The following TACR3 variants were observed in gnomAD, a reference collection of about 807,000 sequenced individuals.
TACR3 encodes neuromedin-K receptor.
A neutral mutation model predicts 35.0 loss-of-function variants in TACR3; 34 were observed. That is an observed-to-expected ratio of 0.97 (90% CI 0.74 to 1.30). The LOEUF (loss-of-function observed/expected upper bound fraction) is 1.30, where lower values mean the gene tolerates loss of function less well. Ranked by LOEUF, TACR3 falls within the 50% of genes most tolerant of loss-of-function variation. The pLI is 0.00. For synonymous variants in TACR3, 233 were observed against 221.1 expected, an observed-to-expected ratio of 1.05 and a Z score of -0.48; for missense variants, 558 against 591.7, an observed-to-expected ratio of 0.94 and a Z score of 0.59.
intron 1 of TACR3, among the ~76,000 whole-genome samples, chr4:103,709,994 C>A (rs1286736358): frequency 1.3e-5 from 2 of 152,118 alleles, no homozygotes; most frequent in Non-Finnish European, 2.9e-5. Context: ...CACAGGAGCA[C>A]CCAGATTCAT....
intron 3 of TACR3, among the ~76,000 whole-genome samples, chr4:103,651,033 A>AAT (rs1319239585): frequency 8.1e-6 from 1 of 123,444 alleles, no homozygotes. Flanking sequence ...TATATATAAT[A>AAT]ATATATATAT....
chr4:103,685,297 T>A (rs534339383), intron 1 of TACR3, among the ~76,000 whole-genome samples: 4 of 152,090 alleles, frequency 2.6e-5, no homozygotes, highest in African/African-American at 9.7e-5. Context: ...TTTAAAACAA[T>A]TGGATATTTG....
chr4:103,624,659 T>C (rs1399688192), intron 3 of TACR3: 1 of 151,988 alleles, frequency 6.6e-6, no homozygotes, highest in African/African-American at 2.4e-5. Context: ...TAGAAAGAAA[T>C]CTGAAGAGAT....
intron 1 of TACR3, among the ~76,000 whole-genome samples, chr4:103,678,784 A>C (rs962076278): frequency 2.2e-5 from 3 of 133,776 alleles, no homozygotes; most frequent in Non-Finnish European, 3.0e-5. Context: ...AGAAAATAAA[A>C]GGTAGTTGCT....
At chr4:103,649,288 T>C (rs1725530246) in intron 3 of TACR3, among the ~76,000 whole-genome samples, 1 of 152,130 alleles carries the variant, frequency 6.6e-6, no homozygotes, top group Admixed American at 6.6e-5. Context: ...CTTTTTAACT[T>C]GATGTGATCT....
intron 3 of TACR3, among the ~76,000 whole-genome samples, chr4:103,606,735 G>T (rs1724379089): frequency 6.6e-6 from 1 of 152,030 alleles, no homozygotes; most frequent in Non-Finnish European, 1.5e-5. Context: ...AGACAGTGGG[G>T]TTTTCTAGAT....
intron 1 of TACR3, among the ~76,000 whole-genome samples, chr4:103,679,584 T>C (rs1419437268): frequency 6.6e-6 from 1 of 151,858 alleles, no homozygotes; most frequent in African/African-American, 2.4e-5. Flanking sequence ...CTTTGTGGAG[T>C]AATTGCTGAC....
At chr4:103,654,643 A>C (rs1725694200) in intron 3 of TACR3, among the ~76,000 whole-genome samples, 1 of 151,626 alleles carries the variant, frequency 6.6e-6, no homozygotes, top group Non-Finnish European at 1.5e-5. Context: ...ACATGTATAC[A>C]TATGTAACAA....
intron 3 of TACR3, among the ~76,000 whole-genome samples, chr4:103,641,003 C>CTTAT (rs1725344136): frequency 6.6e-6 from 1 of 151,940 alleles, no homozygotes; most frequent in Non-Finnish European, 1.5e-5. Flanking sequence ...AAGCTTTCCC[C>CTTAT]TTATTTTTTC....
intron 3 of TACR3, among the ~76,000 whole-genome samples, chr4:103,615,776 T>C (rs184044144): frequency 1.1e-3 from 163 of 152,304 alleles, no homozygotes; most frequent in African/African-American, 3.8e-3. Context: ...TAATGGCAAT[T>C]TAATTCTTAA....
chr4:103,647,940 T>C (rs1161552249), intron 3 of TACR3, among the ~76,000 whole-genome samples: 1 of 151,978 alleles, frequency 6.6e-6, no homozygotes, highest in African/African-American at 2.4e-5. Context: ...CTATATAACA[T>C]AAAAATGTGA....
chr4:103,697,042 G>A (rs1237566319), intron 1 of TACR3, among the ~76,000 whole-genome samples: 2 of 152,124 alleles, frequency 1.3e-5, no homozygotes, highest in East Asian at 3.9e-4. Flanking sequence ...GCCTCCCAAA[G>A]CGCTGGGATT....
intron 3 of TACR3, among the ~76,000 whole-genome samples, chr4:103,602,055 T>A (rs1322062587): frequency 6.6e-6 from 1 of 152,206 alleles, no homozygotes; most frequent in East Asian, 1.9e-4. Flanking sequence ...TTTCACATAG[T>A]CCCATATTTC....
At chr4:103,637,205 C>A (rs568854177) in intron 3 of TACR3, among the ~76,000 whole-genome samples, 6 of 152,238 alleles carry the variant, frequency 3.9e-5, no homozygotes, top group African/African-American at 1.4e-4. Context: ...TACTGGCAAA[C>A]TGAATCCAGC....
intron 3 of TACR3, among the ~76,000 whole-genome samples, chr4:103,598,947 G>A (rs1238534855): frequency 6.6e-6 from 1 of 151,980 alleles, no homozygotes; most frequent in Non-Finnish European, 1.5e-5. Context: ...GCTCTTTTTT[G>A]GTTCCATATG....
intron 3 of TACR3, among the ~76,000 whole-genome samples, chr4:103,598,222 C>G (rs1450553462): frequency 1.3e-5 from 2 of 152,296 alleles, no homozygotes; most frequent in South Asian, 4.2e-4. Context: ...AGCATTTTTT[C>G]ATGTGTTTTT....
intron 3 of TACR3, among the ~76,000 whole-genome samples, chr4:103,615,479 T>G (rs1377529892): frequency 6.6e-6 from 1 of 151,518 alleles, no homozygotes; most frequent in East Asian, 2.0e-4. Context: ...TGTTTCTCAT[T>G]GCAACTTAAA....
intron 1 of TACR3, among the ~76,000 whole-genome samples, chr4:103,708,936 CAAG>C (rs1225191905): frequency 6.6e-6 from 1 of 152,008 alleles, no homozygotes; most frequent in Non-Finnish European, 1.5e-5. Flanking sequence ...TGAAATGAAG[CAAG>C]AAGAGAAGTT....
At chr4:103,607,268 T>A (rs1724397446) in intron 3 of TACR3, among the ~76,000 whole-genome samples, 1 of 152,164 alleles carries the variant, frequency 6.6e-6, no homozygotes, top group Non-Finnish European at 1.5e-5. Flanking sequence ...GCATTATTCA[T>A]TTTGTGCCCC....
Sources: gnomAD v4.1 joint callset for allele counts (sites outside exome capture counted in the v4.1 genomes callset) on GRCh38, gnomAD v4.1.1 for gene constraint, MANE v1.5 for transcripts, NCBI Gene and HGNC (gene_info 2026-07-23, HGNC 2026-07-21) for gene names.